ABCA13: variants seen among roughly 807,000 people sequenced by gnomAD.
ABCA13 encodes ATP-binding cassette sub-family A member 13.
ABCA13 carries 476 observed loss-of-function variants against 478.7 expected under a neutral mutation model. That is an observed-to-expected ratio of 0.99 (90% CI 0.92 to 1.07). ABCA13 has a LOEUF of 1.07. Ranked by LOEUF, ABCA13 falls within the 50% of genes least tolerant of loss-of-function variation. The probability of loss-of-function intolerance (pLI) is 0.00; values close to 1 mark genes in which losing one functional copy is unlikely to be tolerated. For synonymous variants in ABCA13, 2,252 were observed against 2,158.9 expected (o/e 1.04, Z -1.20); for missense variants, 6,060 against 5,910.6 (o/e 1.03, Z -0.83).
At chr7:48,481,595 T>A (rs1048847051) in intron 46 of ABCA13, among the ~76,000 whole-genome samples, 7 of 54,594 alleles carry the variant, frequency 1.3e-4, no homozygotes, top group African/African-American at 5.2e-4. Context: ...AAGCTCCACC[T>A]CCCAGGTTCA....
rs573601646 is a variant in ABCA13 at position 48,303,094 on chromosome 7, T to C, written c.9321+4607T>C. ...TGCATGTCTCTAATGATCAGTAATA[T>C]TGAGATTTTTTTCATATGCTTGTTG... On this transcript the variant is annotated intron_variant, in intron 23 of 61. Coordinates refer to ENST00000435803, the MANE Select transcript of ABCA13 (RefSeq NM_152701.5). Among the ~76,000 whole-genome samples the C allele has an allele frequency of 3.3e-5, 5 of 152,206 alleles. No individual in the cohort carries two copies. In the East Asian group the frequency reaches 7.7e-4, roughly 23 times the overall value.
At chr7:48,418,574 T>C (rs1247267880) in intron 41 of ABCA13, among the ~76,000 whole-genome samples, 1 of 152,224 alleles carries the variant, frequency 6.6e-6, no homozygotes, top group African/African-American at 2.4e-5. Flanking sequence ...GAGCTCTTTG[T>C]TAACTTCATT....
rs1796759225 is a variant in ABCA13, at chr7:48,279,623, A to G, written c.8429A>G (p.His2810Arg). 2 of 1,612,694 alleles carry G rather than the reference A, an allele frequency of 1.2e-6. No individual in the cohort carries two copies. The highest frequency in any genetic ancestry group is 8.5e-7 in the Non-Finnish European group (1 of 1,179,420). The stretch of plus-strand genomic sequence containing the variant: ...CCTTTGAGTCAGAATATAACTCATC[A>G]TCAACTTGAAAAAGCAATCCATAAT... ...DTPLSQNITH[H>R]QLEKAIHNVL... Residue 2810 changes from histidine (H) to arginine (R), a missense_variant, in exon 18 of 62, where the codon CAT becomes CGT. By Grantham distance (29) the His-to-Arg change is conservative. This residue lies in a region of ABCA13 where 4,423 missense variants were observed against 4,309.1 expected (regional missense o/e 1.03). Coordinates refer to ENST00000435803, the MANE Select transcript of ABCA13 (RefSeq NM_152701.5).
intron 6 of ABCA13, 132 bp from the exon 7 acceptor site, chr7:48,229,693 T>A: frequency 9.8e-7 from 1 of 1,018,638 alleles, no homozygotes; most frequent in Non-Finnish European, 1.5e-6. Flanking sequence ...AATGCTGACA[T>A]GTAAATGGTC....
At chr7:48,410,728 C>A in intron 40 of ABCA13, 51 bp downstream of exon 40, 2 of 1,572,194 alleles carry the variant, frequency 1.3e-6, no homozygotes, top group Non-Finnish European at 1.7e-6. Context: ...CTGTCTGTGG[C>A]ATAAGAAACA....
In ABCA13 at chr7:48,624,601, G is replaced by A. The variant is rs957346419; in HGVS notation, c.14837+9224G>A. 2.0e-4 allele frequency among the ~76,000 whole-genome samples: 30 copies of A among 151,170 alleles called. 1 individual carries two copies. Among genetic ancestry groups the A allele is most frequent in the African/African-American group, 6.6e-4 (27 of 41,098 alleles). ...TTTTGCTCTTGTTGCCCAGGCTGGT[G>A]TGCGAGTGCAATGACACGATCTCGG... On this transcript the variant is annotated intron_variant, in intron 59 of 61. Coordinates refer to ENST00000435803, the MANE Select transcript of ABCA13 (RefSeq NM_152701.5).
chr7:48,426,063 T>C (rs1371802881), intron 41 of ABCA13, among the ~76,000 whole-genome samples: 4 of 152,222 alleles, frequency 2.6e-5, no homozygotes, highest in Non-Finnish European at 4.4e-5. Flanking sequence ...CCATTTATCA[T>C]GTGAGGAAAC....
chr7:48,480,188 T>C (rs1444318637), intron 45 of ABCA13, among the ~76,000 whole-genome samples: 1 of 152,170 alleles, frequency 6.6e-6, no homozygotes, highest in Non-Finnish European at 1.5e-5. Context: ...CCTCCTTCTT[T>C]CCTGTTTTCC....
intron 45 of ABCA13, among the ~76,000 whole-genome samples, chr7:48,475,329 G>T (rs926022497): frequency 1.2e-4 from 19 of 152,128 alleles, no homozygotes; most frequent in African/African-American, 4.1e-4. Flanking sequence ...CCCAAGGCCA[G>T]TTCTCTGGTC....
rs1221693411 is a variant in ABCA13 at position 48,279,419 on chromosome 7, C to A, written c.8225C>A (p.Thr2742Asn). 1 of 1,603,644 alleles carries A rather than the reference C, an allele frequency of 6.2e-7. No homozygotes were observed. Among genetic ancestry groups the A allele is most frequent in the Admixed American group, 1.7e-5 (1 of 58,534 alleles). ...GSFLKMVICL[T>N]LEALWKNLKK... ...TTCTTGAAAATGGTGATCTGTCTCA[C>A]CTTAGAAGCTCTTTGGAAAAACTTA... The change falls in exon 18 of 62, where the codon ACC (threonine) becomes AAC (asparagine). Residue 2742 changes from threonine to asparagine, a missense_variant. Thr to Asn is a moderately conservative substitution (Grantham distance 65, BLOSUM62 0). Transcript: ENST00000435803.
At chr7:48,584,905 G>A (rs561312913) in intron 56 of ABCA13, among the ~76,000 whole-genome samples, 3 of 152,128 alleles carry the variant, frequency 2.0e-5, no homozygotes, top group South Asian at 4.2e-4. Context: ...ACTTTTTTCC[G>A]ACAGATAAAG....
At chr7:48,358,269 C>G (rs115743493) in intron 31 of ABCA13, among the ~76,000 whole-genome samples, 2,936 of 112,044 alleles carry the variant, frequency 0.026, 99 homozygotes, top group African/African-American at 0.039. Context: ...GGGGAGGGGA[C>G]AATGCCTGCC....
chr7:48,181,592 T>C (rs1301943919), intron 1 of ABCA13, among the ~76,000 whole-genome samples: 1 of 152,096 alleles, frequency 6.6e-6, no homozygotes, highest in Non-Finnish European at 1.5e-5. Flanking sequence ...AGTAGCCTAA[T>C]GCCCTTGTTA....
At chr7:48,425,629 A>G (rs950178601) in intron 41 of ABCA13, among the ~76,000 whole-genome samples, 9 of 152,214 alleles carry the variant, frequency 5.9e-5, no homozygotes, top group Admixed American at 2.0e-4. Flanking sequence ...TTATCTAGCT[A>G]CTGTTGAGAC....
At chr7:48,377,184 A>G (rs1393028573) in intron 35 of ABCA13, among the ~76,000 whole-genome samples, 1 of 150,662 alleles carries the variant, frequency 6.6e-6, no homozygotes, top group East Asian at 2.0e-4. Flanking sequence ...GGACAAGTAT[A>G]TCAATGGCCA....
At chr7:48,486,118 G>C (rs535583122) in intron 47 of ABCA13, among the ~76,000 whole-genome samples, 93 of 152,236 alleles carry the variant, frequency 6.1e-4, no homozygotes, top group African/African-American at 1.7e-3. Context: ...CTACTCTCAC[G>C]ATCTTGTTGA....
At chr7:48,444,138 C>G (rs1477107416) in intron 42 of ABCA13, among the ~76,000 whole-genome samples, 1 of 152,196 alleles carries the variant, frequency 6.6e-6, no homozygotes, top group Admixed American at 6.5e-5. Context: ...CAATGCCTCC[C>G]CCTGTCCTGA....
chr7:48,611,211 A>T (rs558627042), intron 58 of ABCA13, among the ~76,000 whole-genome samples: 15 of 152,146 alleles, frequency 9.9e-5, no homozygotes, highest in African/African-American at 3.6e-4. Flanking sequence ...TCTCATCTCT[A>T]TCTGAGATCT....
At chr7:48,543,698 T>C (rs1784558458) in intron 55 of ABCA13, among the ~76,000 whole-genome samples, 2 of 151,560 alleles carry the variant, frequency 1.3e-5, no homozygotes, top group Admixed American at 1.3e-4. Flanking sequence ...AAGTGAATGG[T>C]TAATAAACAT....
Sources: allele counts gnomAD v4.1 joint callset (sites outside exome capture counted in the v4.1 genomes callset), GRCh38; gene constraint gnomAD v4.1.1; regional missense constraint gnomAD v4.1.1; transcripts MANE v1.5; gene names NCBI Gene and HGNC (gene_info 2026-07-23, HGNC 2026-07-21).